DCLK1: variants seen among roughly 807,000 people sequenced by gnomAD.
DCLK1 encodes the protein serine/threonine-protein kinase DCLK1.
A neutral mutation model predicts 86.2 loss-of-function variants in DCLK1; 16 were observed. The observed-to-expected ratio is 0.19, with a 90% CI of 0.13 to 0.28. DCLK1 has a LOEUF of 0.28. DCLK1 is among the 10% of genes least tolerant of loss of function. DCLK1 has a pLI of 1.00. For synonymous variants in DCLK1, 369 were observed against 370.5 expected, an observed-to-expected ratio of 1.00 and a Z score of 0.05; for missense variants, 590 against 940.2, an observed-to-expected ratio of 0.63 and a Z score of 4.87.
intron 4 of DCLK1, among the ~76,000 whole-genome samples, chr13:35,872,865 T>C (rs1241573535): frequency 6.6e-6 from 1 of 152,168 alleles, no homozygotes; most frequent in African/African-American, 2.4e-5. Flanking sequence ...TTGCTTTTTA[T>C]AAAAATGGCA....
At chr13:35,977,117 A>ATG (rs5802795) in intron 3 of DCLK1, among the ~76,000 whole-genome samples, 2 of 151,910 alleles carry the variant, frequency 1.3e-5, no homozygotes, top group Non-Finnish European at 2.9e-5. Context: ...TTTTTCGTGT[A>ATG]TGTGTGTGTG....
At chr13:36,129,191 T>C (rs921109964) in intron 1 of DCLK1, among the ~76,000 whole-genome samples, 2 of 152,220 alleles carry the variant, frequency 1.3e-5, no homozygotes, top group Middle Eastern at 3.2e-3. Context: ...AGAGTGCACA[T>C]CGAATTCTCA....
At position 35,823,252 on chromosome 13, in the gene DCLK1, C is replaced by T. The variant is rs112232012; in HGVS notation, c.1408-377G>A. On this transcript the variant is annotated intron_variant, in intron 10 of 16. Coordinates refer to ENST00000360631, the MANE Select transcript of DCLK1 (RefSeq NM_001330071.2). ...CTACCTGCCTCACATTGACTGCCAGCCAGAGTTCAAATTTGTAATCCTTCA... is the reference window on the plus strand; with the variant it reads ...CTACCTGCCTCACATTGACTGCCAGTCAGAGTTCAAATTTGTAATCCTTCA... Among the ~76,000 whole-genome samples, 80 of 152,070 alleles carry T rather than the reference C, an allele frequency of 5.3e-4. 2 individuals carry two copies. The highest frequency in any genetic ancestry group is 1.8e-3 in the African/African-American group (76 of 41,476).
At chr13:35,905,661 C>T (rs931533429) in intron 4 of DCLK1, among the ~76,000 whole-genome samples, 4 of 152,192 alleles carry the variant, frequency 2.6e-5, no homozygotes, top group African/African-American at 9.6e-5. Context: ...ACTGCCAGAG[C>T]CAGGCCAGGT....
chr13:35,927,048 G>C (rs1876162699), intron 4 of DCLK1, among the ~76,000 whole-genome samples: 1 of 152,194 alleles, frequency 6.6e-6, no homozygotes, highest in South Asian at 2.1e-4. Flanking sequence ...TTGACTTTGG[G>C]CCCTCACGTA....
chr13:36,127,393 A>G (rs997743442), intron 1 of DCLK1, among the ~76,000 whole-genome samples: 1 of 152,218 alleles, frequency 6.6e-6, no homozygotes, highest in African/African-American at 2.4e-5. Context: ...CATTAAGACT[A>G]TCTTTGTGAT....
chr13:35,867,928 A>AGAAG (rs1871947198), intron 5 of DCLK1, among the ~76,000 whole-genome samples: 1 of 142,846 alleles, frequency 7.0e-6, no homozygotes, highest in Non-Finnish European at 1.5e-5. Flanking sequence ...AAAGAAAGAA[A>AGAAG]GAAAGAAAGA....
chr13:36,113,754 A>C (rs926359341), intron 2 of DCLK1, among the ~76,000 whole-genome samples: 6 of 152,200 alleles, frequency 3.9e-5, no homozygotes, highest in Admixed American at 6.5e-5. Context: ...TAGAAGATAG[A>C]GATCAAAGTG....
chr13:36,100,296 T>C (rs554042316), intron 3 of DCLK1, among the ~76,000 whole-genome samples: 23 of 150,850 alleles, frequency 1.5e-4, no homozygotes, highest in African/African-American at 5.4e-4. Flanking sequence ...AGAGAATTGC[T>C]TGGGCCCAGG....
intron 3 of DCLK1, among the ~76,000 whole-genome samples, chr13:36,027,391 G>A (rs1445408465): frequency 1.3e-5 from 2 of 152,236 alleles, no homozygotes; most frequent in Non-Finnish European, 2.9e-5. Flanking sequence ...CTCACCTCAT[G>A]CTGTGCAGCC....
At chr13:36,060,153 G>A (rs1883488321) in intron 3 of DCLK1, among the ~76,000 whole-genome samples, 1 of 152,090 alleles carries the variant, frequency 6.6e-6, no homozygotes, top group Non-Finnish European at 1.5e-5. Context: ...TTACAGGGGT[G>A]AGCCACCACA....
chr13:36,040,623 G>C (rs1227951896), intron 3 of DCLK1, among the ~76,000 whole-genome samples: 1 of 151,780 alleles, frequency 6.6e-6, no homozygotes, highest in East Asian at 2.0e-4. Context: ...TTTCTATACT[G>C]TACTCTTTGG....
At chr13:35,849,798 A>C in intron 6 of DCLK1, 1 of 985,322 alleles carries the variant, frequency 1.0e-6, no homozygotes, top group African/African-American at 1.7e-5. Context: ...GCACCATTTA[A>C]GTGAATTTTG....
chr13:36,060,428 T>C (rs1650793918), intron 3 of DCLK1, among the ~76,000 whole-genome samples: 1 of 152,166 alleles, frequency 6.6e-6, no homozygotes, highest in Admixed American at 6.5e-5. Flanking sequence ...ATCAGCCTCA[T>C]GATCAGAACG....
intron 2 of DCLK1, among the ~76,000 whole-genome samples, chr13:36,115,130 C>T (rs1305521272): frequency 2.6e-5 from 4 of 152,084 alleles, no homozygotes; most frequent in African/African-American, 9.7e-5. Flanking sequence ...TGTGCTACTG[C>T]ACTCCAGCCT....
At chr13:35,843,746 T>G (rs1464201516) in intron 6 of DCLK1, among the ~76,000 whole-genome samples, 2 of 152,244 alleles carry the variant, frequency 1.3e-5, no homozygotes, top group African/African-American at 4.8e-5. Flanking sequence ...CATACAATTA[T>G]TACCTTACTG....
At chr13:35,846,857 G>A in intron 6 of DCLK1, 1 of 985,120 alleles carries the variant, frequency 1.0e-6, no homozygotes, top group African/African-American at 1.7e-5. Flanking sequence ...CACACATACA[G>A]CAAGTATATT....
At chr13:35,948,950 A>G (rs906271440) in intron 3 of DCLK1, among the ~76,000 whole-genome samples, 8 of 152,134 alleles carry the variant, frequency 5.3e-5, no homozygotes, top group African/African-American at 1.9e-4. Flanking sequence ...CTCCAACCCA[A>G]TCCTGTTCAT....
intron 5 of DCLK1, among the ~76,000 whole-genome samples, chr13:35,866,453 C>CTT (rs34793570): frequency 3.0e-5 from 4 of 134,306 alleles, no homozygotes; most frequent in South Asian, 2.4e-4. Context: ...AACAAAGACT[C>CTT]TTTTTTTTTT....
Sources: gnomAD v4.1 joint callset for allele counts (sites outside exome capture counted in the v4.1 genomes callset) on GRCh38, gnomAD v4.1.1 for gene constraint, MANE v1.5 for transcripts, NCBI Gene and HGNC (gene_info 2026-07-23, HGNC 2026-07-21) for gene names.